Variants in TNKS2 observed in about 807,000 individuals in gnomAD.
TNKS2 encodes the protein poly [ADP-ribose] polymerase tankyrase-2.
TNKS2 carries 72 observed loss-of-function variants against 137.6 expected under a neutral mutation model. The observed-to-expected ratio is 0.52, with a 90% CI of 0.43 to 0.64. TNKS2 has a LOEUF of 0.64. Ranked by LOEUF, TNKS2 falls within the 30% of genes least tolerant of loss-of-function variation. TNKS2 has a pLI of 0.00. For synonymous variants in TNKS2, 516 were observed against 512.1 expected (o/e 1.01, Z -0.10); for missense variants, 1,049 against 1,410.2 (o/e 0.74, Z 4.10).
At chr10:91,838,728 C>G (rs1423382659) in intron 13 of TNKS2, among the ~76,000 whole-genome samples, 1 of 152,138 alleles carries the variant, frequency 6.6e-6, no homozygotes, top group Admixed American at 6.5e-5. Context: ...GAGCTTTTTA[C>G]CAGGACAATG....
chr10:91,827,970 A>T (rs1052767037), intron 8 of TNKS2, among the ~76,000 whole-genome samples: 1 of 152,132 alleles, frequency 6.6e-6, no homozygotes, highest in Non-Finnish European at 1.5e-5. Context: ...AAACCTCTCC[A>T]GTCTAGGAAG....
rs2133612382 is a variant in TNKS2, at chr10:91,819,553, G to A, written c.629G>A (p.Arg210Lys). 6.3e-7 allele frequency: 1 copy of A among 1,588,196 alleles called. No homozygotes were observed. The highest frequency in any genetic ancestry group is 8.5e-7 in the Non-Finnish European group (1 of 1,172,686). The change falls in exon 5 of 27, where the codon AGA becomes AAA. Residue 210 changes from arginine to lysine, a missense_variant. This residue lies in a region of TNKS2 where 374 missense variants were observed against 460.8 expected (regional missense o/e 0.81). Transcript: ENST00000371627. ...LNVNCHASDG[R>K]KSTPLHLAAG... ...GTCAACTGCCACGCAAGTGATGGCA[G>A]AAAGGTACTTCCTTTTGCAACTGAG...
chr10:91,842,483 T>C, intron 16 of TNKS2, 92 bp downstream of exon 16: 1 of 1,202,980 alleles, frequency 8.3e-7, no homozygotes, highest in Non-Finnish European at 1.2e-6. Flanking sequence ...ACTTTAAAAA[T>C]TCAAATCAGG....
At chr10:91,799,101 T>C (rs1844071835) in intron 1 of TNKS2, among the ~76,000 whole-genome samples, 2 of 152,114 alleles carry the variant, frequency 1.3e-5, no homozygotes, top group Admixed American at 6.5e-5. Context: ...CTTGGTTTGG[T>C]TTTTTTGCCA....
At chr10:91,854,658 C>T (rs1226704088) in intron 21 of TNKS2, among the ~76,000 whole-genome samples, 2 of 152,146 alleles carry the variant, frequency 1.3e-5, no homozygotes, top group East Asian at 3.9e-4. Context: ...AATCCCAGCA[C>T]TTTGGGAGGC....
intron 23 of TNKS2, among the ~76,000 whole-genome samples, chr10:91,856,344 CAG>C (rs909089157): frequency 5.3e-5 from 8 of 152,222 alleles, no homozygotes; most frequent in South Asian, 2.1e-4. Context: ...AAAAATAAGA[CAG>C]AATTAATATG....
At chr10:91,851,359 G>T (rs2133672337) in intron 21 of TNKS2, 23 bp downstream of exon 21, 1 of 1,606,700 alleles carries the variant, frequency 6.2e-7, no homozygotes, top group South Asian at 1.1e-5. Context: ...AATAATTGCT[G>T]TTGTCAGTTT....
chr10:91,859,613 A>G lies in TNKS2; in HGVS notation c.3246A>G (p.Pro1082=). Residue 1082 remains proline, a synonymous_variant, in exon 25 of 27, where the codon CCA becomes CCG. Coordinates refer to ENST00000371627, the MANE Select transcript of TNKS2 (RefSeq NM_025235.4). ...VYGIGGGTGC[P]VHKDRSCYIC... is the part of the protein sequence containing the mutation. ...GAATTGGAGGAGGTACTGGGTGTCCAGTTCACAAAGACAGATCTTGTTACA... is the reference window on the plus strand; with the variant it reads ...GAATTGGAGGAGGTACTGGGTGTCCGGTTCACAAAGACAGATCTTGTTACA... 6.2e-7 allele frequency: 1 copy of G among 1,612,886 alleles called. No homozygotes were observed.
chr10:91,808,934 G>T (rs1844411962), intron 1 of TNKS2, among the ~76,000 whole-genome samples: 1 of 152,106 alleles, frequency 6.6e-6, no homozygotes, highest in Non-Finnish European at 1.5e-5. Flanking sequence ...CTGCAGCCTT[G>T]CCCCCATTGC....
chr10:91,825,067 C>T (rs759142555), intron 7 of TNKS2, among the ~76,000 whole-genome samples: 1 of 151,874 alleles, frequency 6.6e-6, no homozygotes, highest in South Asian at 2.1e-4. Flanking sequence ...TTTAGGCTCT[C>T]GGTTTGGTTT....
rs2133576073 is a variant in TNKS2, at chr10:91,798,550, C to G, written c.-141C>G. The G allele has an allele frequency of 9.7e-7, 1 of 1,027,464 alleles. No homozygotes were observed. Among genetic ancestry groups the G allele is most frequent in the East Asian group, 3.7e-5 (1 of 26,702 alleles). The allele number at this position is 1,027,464 out of a possible 1,614,324, so 63.6% of individuals were successfully genotyped here. A position where few individuals can be genotyped will look rare whatever the true frequency, so the allele number is the denominator to read the frequency against. ...GCGTGGGCGCGGCCATGGGACTGCG[C>G]CGGATCCGGTGACAGCAGGGAGCCA... On this transcript the variant is annotated 5_prime_UTR_variant, in exon 1 of 27. Transcript: ENST00000371627.
intron 20 of TNKS2, among the ~76,000 whole-genome samples, chr10:91,850,152 G>A (rs918868702): frequency 6.6e-6 from 1 of 151,910 alleles, no homozygotes; most frequent in Non-Finnish European, 1.5e-5. Flanking sequence ...GATCACTTGA[G>A]GTCAGGAGTT....
chr10:91,832,363 A>T (rs1345416882), intron 11 of TNKS2, among the ~76,000 whole-genome samples: 1 of 152,094 alleles, frequency 6.6e-6, no homozygotes, highest in Non-Finnish European at 1.5e-5. Flanking sequence ...TTTGTCCAGG[A>T]CTTCACGTTT....
Position 91,842,337 on chromosome 10 carries a change from A to C in TNKS2, c.2005A>C (p.Asn669His), listed in dbSNP as rs762210620. ...AGTGAAGAAGTTGTCTTCTCCTGAT[A>C]ATGTAAATTGCCGCGATACCCAAGG... is the stretch of plus-strand genomic sequence containing the variant. ...ARVKKLSSPD[N>H]VNCRDTQGRH... Residue 669 changes from asparagine to histidine, a missense_variant, in exon 16 of 27, where the codon AAT (asparagine) becomes CAT (histidine). Transcript: ENST00000371627. 6.2e-7 allele frequency: 1 copy of C among 1,614,174 alleles called. No individual in the cohort carries two copies. Among genetic ancestry groups the C allele is most frequent in the South Asian group, 1.1e-5 (1 of 91,088 alleles).
rs1841950165 is a variant in TNKS2 at position 91,834,898 on chromosome 10, G to A, written c.1447+874G>A. Among the ~76,000 whole-genome samples, 3 of 152,300 alleles carry A rather than the reference G, an allele frequency of 2.0e-5. 1 individual carries two copies. The South Asian group carries it at 6.2e-4, about 32-fold the overall frequency. The stretch of plus-strand genomic sequence containing the variant: ...TTTATGCTAAGTACCATTACATATA[G>A]CTTTTTACTTGCCTTTCCAACTAGT... On this transcript the variant is annotated intron_variant, in intron 12 of 26. Transcript: ENST00000371627.
intron 23 of TNKS2, among the ~76,000 whole-genome samples, chr10:91,856,294 C>A (rs918706678): frequency 6.6e-6 from 1 of 152,052 alleles, no homozygotes; most frequent in African/African-American, 2.4e-5. Context: ...ATAATGAATT[C>A]GTATTAACTA....
At chr10:91,862,567 T>A (rs935123105) in intron 26 of TNKS2, among the ~76,000 whole-genome samples, 1 of 152,186 alleles carries the variant, frequency 6.6e-6, no homozygotes, top group Non-Finnish European at 1.5e-5. Context: ...AATTGAAATC[T>A]TGTATTTAAC....
intron 19 of TNKS2, 81 bp from the exon 20 acceptor site, chr10:91,849,431 T>A: frequency 8.4e-6 from 9 of 1,076,606 alleles, no homozygotes; most frequent in Non-Finnish European, 1.1e-5. Context: ...ATAGTAACAT[T>A]ACAAGACTTT....
intron 1 of TNKS2, chr10:91,807,300 A>G: frequency 6.2e-7 from 1 of 1,613,890 alleles, no homozygotes. Context: ...CACCAAACAA[A>G]CTAAATCATC....
Sources: gnomAD v4.1 joint callset for allele counts (sites outside exome capture counted in the v4.1 genomes callset) on GRCh38, gnomAD v4.1.1 for gene constraint, gnomAD v4.1.1 regional missense constraint, MANE v1.5 for transcripts, NCBI Gene and HGNC (gene_info 2026-07-23, HGNC 2026-07-21) for gene names.